Variants in NCBP1 observed in about 807,000 individuals in gnomAD.
NCBP1 encodes the protein nuclear cap-binding protein subunit 1.
NCBP1 carries 16 observed loss-of-function variants against 111.7 expected under a neutral mutation model. That is an observed-to-expected ratio of 0.14 (90% confidence interval 0.10 to 0.22). NCBP1 has a LOEUF of 0.22. NCBP1 is among the 10% of genes least tolerant of loss of function. The pLI, the probability that NCBP1 is intolerant of heterozygous loss-of-function variation, is 1.00. For synonymous variants in NCBP1, 304 were observed against 314.3 expected, an observed-to-expected ratio of 0.97 and a Z score of 0.35; for missense variants, 607 against 957.5, an observed-to-expected ratio of 0.63 and a Z score of 4.83.
At position 97,673,447 on chromosome 9, in the gene NCBP1, A is replaced by C. The variant is rs1249756661; in HGVS notation, c.*2248A>C. On this transcript the variant is annotated 3_prime_UTR_variant, in exon 23 of 23. Transcript: ENST00000375147. ...TTATGTTTGATCCACATTCTAGAGA[A>C]ATTTGTAGGTTTTAATTTCTTTTCT... The C allele has an allele frequency of 6.6e-6, 1 of 152,128 alleles. No homozygotes were observed. The highest frequency in any genetic ancestry group is 1.5e-5 in the Non-Finnish European group (1 of 68,018). The allele number at this position is 152,128 out of a possible 1,614,324, so 9.4% of individuals were successfully genotyped here.
chr9:97,661,464 A>G (rs1253331575), intron 16 of NCBP1, among the ~76,000 whole-genome samples: 3 of 152,194 alleles, frequency 2.0e-5, no homozygotes, highest in Admixed American at 6.5e-5. Context: ...TCCAACCAGA[A>G]TCCTAGGAGT....
At chr9:97,669,017 AT>A in intron 21 of NCBP1, 43 bp downstream of exon 21, 1 of 1,525,666 alleles carries the variant, frequency 6.6e-7, no homozygotes, top group South Asian at 1.2e-5. Context: ...GAAACAATAC[AT>A]TTCTTTAGTT....
chr9:97,665,135 C>T (rs964077833), intron 19 of NCBP1, among the ~76,000 whole-genome samples: 1 of 152,228 alleles, frequency 6.6e-6, no homozygotes, highest in East Asian at 1.9e-4. Flanking sequence ...AACTTTTCCA[C>T]TGTATCTGTT....
chr9:97,635,944 T>C (rs762283827), intron 1 of NCBP1: 1 of 152,330 alleles, frequency 6.6e-6, no homozygotes, highest in Middle Eastern at 3.4e-3. Flanking sequence ...ACTTTTGCTT[T>C]GGTTATTGGG....
intron 6 of NCBP1, 39 bp downstream of exon 6, chr9:97,645,771 A>G (rs1218987718): frequency 1.9e-6 from 3 of 1,604,612 alleles, no homozygotes; most frequent in Admixed American, 3.4e-5. Context: ...TTGCTTAGGT[A>G]AAGGATATCT....
At chr9:97,644,971 G>T in intron 4 of NCBP1, 146 bp from the exon 5 acceptor site, 1 of 495,578 alleles carries the variant, frequency 2.0e-6, no homozygotes, top group Non-Finnish European at 3.6e-6. Context: ...TTAGTTCCCA[G>T]CTATGCAAAA....
At chr9:97,636,825 T>A (rs1328953192) in intron 1 of NCBP1, among the ~76,000 whole-genome samples, 1 of 151,788 alleles carries the variant, frequency 6.6e-6, no homozygotes, top group Non-Finnish European at 1.5e-5. Context: ...TGACAGGCGC[T>A]ATGGAGTGAT....
intron 8 of NCBP1, among the ~76,000 whole-genome samples, chr9:97,650,268 T>A (rs1451982929): frequency 6.6e-6 from 1 of 152,114 alleles, no homozygotes; most frequent in Non-Finnish European, 1.5e-5. Flanking sequence ...AAGTAGGCAG[T>A]GGTTGTATGG....
Position 97,650,609 on chromosome 9 carries a change from C to T in NCBP1, c.995+9C>T, listed in dbSNP as rs1489322909. 2.5e-6 allele frequency: 4 copies of T among 1,606,068 alleles called. No homozygotes were observed. In the African/African-American group the frequency reaches 5.4e-5, roughly 22 times the overall value. ...AAGGAAAGGAAGACTTGGTAAGATT[C>T]TTTTCATGGTACTTTTAGAAGGGAG... is the stretch of plus-strand genomic sequence containing the variant. On this transcript the variant is annotated intron_variant, in intron 9 of 22. Coordinates refer to ENST00000375147, the MANE Select transcript of NCBP1 (RefSeq NM_002486.5).
rs750751156 is a variant in NCBP1, at chr9:97,641,622, C to T, written c.184C>T (p.Pro62Ser). ...GLAGVLEADL[P>S]NYKSKILRLL... ...GGCTGGTGTTTTGGAAGCTGATCTT[C>T]CTAACTACAAGAGCAAGATCTTAAG... The change falls in exon 3 of 23, where the codon CCT (proline) becomes TCT (serine). Residue 62 changes from proline to serine, a missense_variant. By Grantham distance (74) the Pro-to-Ser change is moderately conservative (BLOSUM62 -1). This residue lies in a region of NCBP1 where 185 missense variants were observed against 272.0 expected (regional missense o/e 0.68). Transcript: ENST00000375147. 1 of 1,609,578 alleles carries T rather than the reference C, an allele frequency of 6.2e-7. No individual in the cohort carries two copies. Among genetic ancestry groups the T allele is most frequent in the Non-Finnish European group, 8.5e-7 (1 of 1,176,482 alleles).
At chr9:97,657,031 C>T (rs879653811) in intron 14 of NCBP1, among the ~76,000 whole-genome samples, 19 of 152,102 alleles carry the variant, frequency 1.2e-4, no homozygotes, top group Admixed American at 5.9e-4. Flanking sequence ...TGCAGTGGCA[C>T]GATCTCGGCT....
chr9:97,641,485 T>C (rs1473978752), intron 2 of NCBP1, 77 bp from the exon 3 acceptor site: 18 of 1,120,980 alleles, frequency 1.6e-5, no homozygotes, highest in South Asian at 2.5e-5. Context: ...TGTATATATT[T>C]ACATTTAAAT....
intron 14 of NCBP1, among the ~76,000 whole-genome samples, 175 bp downstream of exon 14, chr9:97,656,260 A>T (rs889459903): frequency 6.6e-6 from 1 of 152,240 alleles, no homozygotes; most frequent in Non-Finnish European, 1.5e-5. Flanking sequence ...TATAGATTCC[A>T]TGTGAATTTA....
At chr9:97,663,492 A>AT (rs1196019227) in intron 18 of NCBP1, among the ~76,000 whole-genome samples, 1 of 151,478 alleles carries the variant, frequency 6.6e-6, no homozygotes, top group African/African-American at 2.4e-5. Flanking sequence ...TGAAATTTAA[A>AT]TTTTTTTTTG....
At chr9:97,636,637 C>CGT (rs1827043773) in intron 1 of NCBP1, among the ~76,000 whole-genome samples, 1 of 111,272 alleles carries the variant, frequency 9.0e-6, no homozygotes, top group Non-Finnish European at 1.8e-5. Context: ...GAAAGTAATA[C>CGT]ATATATATAT....
chr9:97,662,859 C>T, intron 17 of NCBP1, 95 bp from the exon 18 acceptor site: 2 of 865,886 alleles, frequency 2.3e-6, no homozygotes, highest in East Asian at 2.5e-5. Flanking sequence ...TTATATATTG[C>T]ATTATAAATT....
intron 19 of NCBP1, 62 bp downstream of exon 19, chr9:97,664,505 A>G (rs1827936812): frequency 9.0e-7 from 1 of 1,115,916 alleles, no homozygotes; most frequent in Non-Finnish European, 1.3e-6. Context: ...GTGGTCTCTT[A>G]TACATAAGCT....
rs759059842 is a variant in NCBP1 at position 97,653,841 on chromosome 9, T to C, written c.1103T>C (p.Ile368Thr). The C allele has an allele frequency of 1.9e-6, 3 of 1,613,986 alleles. No homozygotes were observed. The highest frequency in any genetic ancestry group is 2.2e-5 in the East Asian group (1 of 44,876). ...ELFQLPAPPH[I>T]DVMYTTLLIE... ...TTTCAACTTCCAGCACCCCCTCACA[T>C]TGATGTGATGTACACAACACTCCTC... Residue 368 changes from isoleucine (I) to threonine (T), a missense_variant, in exon 11 of 23, where the codon ATT (isoleucine) becomes ACT (threonine). Physicochemically the swap from Ile to Thr is moderately conservative, Grantham distance 89. This residue lies in a region of NCBP1 where 33 missense variants were observed against 46.5 expected (regional missense o/e 0.71). Coordinates refer to ENST00000375147, the MANE Select transcript of NCBP1 (RefSeq NM_002486.5).
rs188730203 is a variant in NCBP1 at position 97,647,943 on chromosome 9, A to G, written c.682-65A>G. Reference sequence around the variant, plus strand: ...GTATCCTGTATTTTAAAGGGTAGTGATTTTTTCATTTTGTCTAGTCAAAAT... The same window carrying G: ...GTATCCTGTATTTTAAAGGGTAGTGGTTTTTTCATTTTGTCTAGTCAAAAT... On this transcript the variant is annotated intron_variant, in intron 7 of 22. Coordinates refer to ENST00000375147, the MANE Select transcript of NCBP1 (RefSeq NM_002486.5). 2.2e-3 allele frequency: 2,876 copies of G among 1,333,214 alleles called. 65 individuals carry two copies. The highest frequency in any genetic ancestry group is 5.8e-3 in the Middle Eastern group (25 of 4,284). 82.6% of individuals were successfully genotyped at this position (1,333,214 alleles called of 1,614,324 possible).
Sources: gnomAD v4.1 joint callset for allele counts (sites outside exome capture counted in the v4.1 genomes callset) on GRCh38, gnomAD v4.1.1 for gene constraint, gnomAD v4.1.1 regional missense constraint, MANE v1.5 for transcripts, NCBI Gene and HGNC (gene_info 2026-07-23, HGNC 2026-07-21) for gene names.